The following SOS2 variants were observed in gnomAD, a reference collection of about 807,000 sequenced individuals.
SOS2 encodes the protein SOS Ras/Rho guanine nucleotide exchange factor 2, also known as son of sevenless homolog 2.
Under a neutral mutation model 148.2 loss-of-function variants are expected in SOS2, and 65 were observed. That is an observed-to-expected ratio of 0.44 (90% CI 0.36 to 0.54). The LOEUF (loss-of-function observed/expected upper bound fraction) is 0.54. SOS2 is among the 20% of genes least tolerant of loss of function. The pLI is 0.00. For synonymous variants in SOS2, 539 were observed against 537.1 expected (o/e 1.00, Z -0.05); for missense variants, 1,341 against 1,590.2 (o/e 0.84, Z 2.67).
intron 6 of SOS2, 142 bp downstream of exon 6, chr14:50,182,321 C>G (rs1036991290): frequency 1.4e-6 from 1 of 704,720 alleles, no homozygotes. Context: ...ACTGGGACCA[C>G]AGATGGGCAC....
Position 50,159,769 on chromosome 14 carries a change from GTATCTTCTT to G in SOS2, c.1505_1513del (p.Lys502_Asp504del). The G allele has an allele frequency of 6.2e-7, 1 of 1,613,754 alleles. No homozygotes were observed. Among genetic ancestry groups the G allele is most frequent in the Non-Finnish European group, 8.5e-7 (1 of 1,179,774 alleles). On this transcript the variant is annotated inframe_deletion, in exon 10 of 23. Transcript: ENST00000216373. ...TTCAAATGCATGCTTGTGCTCACAA[GTATCTTCTT>G]TATCACAAATTTGTATTTTCCTCAT...
At chr14:50,144,127 A>G (rs1884385272) in intron 16 of SOS2, among the ~76,000 whole-genome samples, 1 of 152,154 alleles carries the variant, frequency 6.6e-6, no homozygotes, top group South Asian at 2.1e-4. Context: ...AGACTTCTAC[A>G]TATGAATATT....
intron 8 of SOS2, among the ~76,000 whole-genome samples, chr14:50,162,896 GA>G (rs67528625): frequency 0.29 from 40,498 of 139,660 alleles, 6,810 homozygotes; most frequent in Middle Eastern, 0.4. Flanking sequence ...CCAATGTTTT[GA>G]TTTTTTTTTT....
At chr14:50,161,389 A>G (rs1885004443) in intron 9 of SOS2, 93 bp downstream of exon 9, 1 of 935,302 alleles carries the variant, frequency 1.1e-6, no homozygotes, top group Admixed American at 2.3e-5. Flanking sequence ...TCAATAATGT[A>G]ACTATCACAA....
chr14:50,216,459 C>G (rs1005493085), intron 1 of SOS2, among the ~76,000 whole-genome samples: 4 of 151,956 alleles, frequency 2.6e-5, no homozygotes, highest in Non-Finnish European at 4.4e-5. Flanking sequence ...AGTATATATA[C>G]TAAAACTACA....
At chr14:50,229,503 G>GAA (rs5808545) in intron 1 of SOS2, among the ~76,000 whole-genome samples, 1 of 139,444 alleles carries the variant, frequency 7.2e-6, no homozygotes. Context: ...AGCCTAACTT[G>GAA]AAAAAAAAAA....
chr14:50,162,713 G>A (rs1885049048), intron 8 of SOS2, among the ~76,000 whole-genome samples: 1 of 152,016 alleles, frequency 6.6e-6, no homozygotes, highest in Non-Finnish European at 1.5e-5. Context: ...GAAATGTCAA[G>A]AAACCATGAA....
At chr14:50,214,798 C>T (rs1211342553) in intron 1 of SOS2, among the ~76,000 whole-genome samples, 2 of 150,706 alleles carry the variant, frequency 1.3e-5, no homozygotes, top group African/African-American at 2.4e-5. Flanking sequence ...CTCCTGCCTC[C>T]TCAGGCCCCC....
intron 9 of SOS2, among the ~76,000 whole-genome samples, 192 bp downstream of exon 9, chr14:50,161,290 C>T (rs1173206424): frequency 6.8e-6 from 1 of 147,052 alleles, no homozygotes; most frequent in Non-Finnish European, 1.5e-5. Flanking sequence ...AGAGAGACTC[C>T]TTCTCAAAAA....
chr14:50,120,599 C>T (rs1187694087), intron 21 of SOS2, among the ~76,000 whole-genome samples: 1 of 152,122 alleles, frequency 6.6e-6, no homozygotes, highest in Non-Finnish European at 1.5e-5. Context: ...ATGATGGGTA[C>T]TTCAGCTAAA....
At chr14:50,165,425 TTCTC>T (rs1885135025) in intron 8 of SOS2, among the ~76,000 whole-genome samples, 1 of 152,078 alleles carries the variant, frequency 6.6e-6, no homozygotes, top group African/African-American at 2.4e-5. Context: ...GCACACACTG[TTCTC>T]TCTCTCAGTA....
chr14:50,229,380 TATAAC>T (rs1039286641), intron 1 of SOS2, among the ~76,000 whole-genome samples: 1 of 151,984 alleles, frequency 6.6e-6, no homozygotes, highest in African/African-American at 2.4e-5. Context: ...AACTGTGGAA[TATAAC>T]ATAGTATCTA....
intron 1 of SOS2, among the ~76,000 whole-genome samples, chr14:50,225,682 G>A (rs774201049): frequency 1.4e-4 from 22 of 152,144 alleles, no homozygotes; most frequent in Non-Finnish European, 1.6e-4. Flanking sequence ...TACATTCAGC[G>A]GCTTTAGGAA....
intron 21 of SOS2, among the ~76,000 whole-genome samples, chr14:50,127,505 C>T (rs1418587121): frequency 1.3e-5 from 2 of 152,126 alleles, no homozygotes; most frequent in African/African-American, 4.8e-5. Context: ...AAAATGGTAA[C>T]AACTACAGCA....
intron 1 of SOS2, among the ~76,000 whole-genome samples, chr14:50,222,614 G>A (rs1009065885): frequency 6.6e-6 from 1 of 152,156 alleles, no homozygotes; most frequent in Non-Finnish European, 1.5e-5. Context: ...ATTATCTGAG[G>A]GAAGGGTGTT....
At chr14:50,127,967 T>C (rs535489510) in intron 21 of SOS2, among the ~76,000 whole-genome samples, 13 of 152,270 alleles carry the variant, frequency 8.5e-5, no homozygotes, top group African/African-American at 3.1e-4. Context: ...CTATTAACAA[T>C]TAAATGTATA....
At chr14:50,201,532 GA>G (rs11342999) in intron 2 of SOS2, among the ~76,000 whole-genome samples, 71,795 of 90,762 alleles carry the variant, frequency 0.79, 27,336 homozygotes, top group Admixed American at 0.83. Context: ...ACCCCCAACA[GA>G]AAAAAAAAAA....
intron 16 of SOS2, 123 bp downstream of exon 16, chr14:50,145,047 T>C: frequency 2.3e-6 from 1 of 440,894 alleles, no homozygotes; most frequent in Non-Finnish European, 4.0e-6. Context: ...ATTTATATCA[T>C]ATTTATGAAG....
chr14:50,182,440 T>C (rs1341349215), intron 6 of SOS2, 23 bp downstream of exon 6: 1 of 1,609,030 alleles, frequency 6.2e-7, no homozygotes, highest in Non-Finnish European at 8.5e-7. Context: ...TTAATGAGAA[T>C]ATAAGTAGTT....
Sources: allele counts gnomAD v4.1 joint callset (sites outside exome capture counted in the v4.1 genomes callset), GRCh38; gene constraint gnomAD v4.1.1; transcripts MANE v1.5; gene names NCBI Gene and HGNC (gene_info 2026-07-23, HGNC 2026-07-21).